Variants in PTPN3 observed in about 807,000 individuals in gnomAD.
PTPN3 encodes tyrosine-protein phosphatase non-receptor type 3.
In PTPN3, 96 loss-of-function variants were observed where a neutral mutation model predicts 132.7. The observed-to-expected ratio is 0.72, with a 90% CI of 0.61 to 0.86. PTPN3 has a LOEUF of 0.86. Among genes scored for constraint, PTPN3 ranks in the 40% least tolerant of loss-of-function variants. The pLI is 0.00. For synonymous variants in PTPN3, 398 were observed against 429.0 expected (o/e 0.93, Z 0.89); for missense variants, 1,125 against 1,159.6 (o/e 0.97, Z 0.43).
chr9:109,512,428 T>C, the PTPN3 span, among the ~76,000 whole-genome samples: 2 of 152,190 alleles, frequency 1.3e-5, no homozygotes, highest in African/African-American at 4.8e-5. Flanking sequence ...AACACACACC[T>C]ACTCAGTTAA....
intron 21 of PTPN3, among the ~76,000 whole-genome samples, chr9:109,389,666 T>C (rs1839899921): frequency 6.6e-6 from 1 of 152,250 alleles, no homozygotes; most frequent in Admixed American, 6.5e-5. Context: ...CTTTCATTGC[T>C]CTATCCTAAA....
At chr9:109,471,054 T>G (rs549085612) in intron 1 of PTPN3, among the ~76,000 whole-genome samples, 1 of 152,004 alleles carries the variant, frequency 6.6e-6, no homozygotes, top group African/African-American at 2.4e-5. Flanking sequence ...TTTTGGTACA[T>G]ACGCATCTTT....
chr9:109,451,622 AT>A (rs1221047603), intron 5 of PTPN3, among the ~76,000 whole-genome samples: 1 of 152,144 alleles, frequency 6.6e-6, no homozygotes, highest in Non-Finnish European at 1.5e-5. Flanking sequence ...AATGCCCTAC[AT>A]TTCCACAGAT....
intron 19 of PTPN3, among the ~76,000 whole-genome samples, chr9:109,401,114 G>A (rs574215449): frequency 3.9e-5 from 6 of 152,320 alleles, no homozygotes; most frequent in African/African-American, 1.4e-4. Context: ...CCTACTTGAG[G>A]AACTGTATAG....
At chr9:109,382,547 C>T in intron 23 of PTPN3, 100 bp from the exon 24 acceptor site, 1 of 1,364,174 alleles carries the variant, frequency 7.3e-7, no homozygotes, top group Non-Finnish European at 1.0e-6. Flanking sequence ...CTGATGCTTT[C>T]TCCCTCTGCG....
At chr9:109,396,796 G>A (rs189989385) in intron 19 of PTPN3, among the ~76,000 whole-genome samples, 10 of 152,312 alleles carry the variant, frequency 6.6e-5, no homozygotes, top group Non-Finnish European at 5.9e-5. Flanking sequence ...GGGTGCAATG[G>A]ATGGTTTTTT....
intron 14 of PTPN3, among the ~76,000 whole-genome samples, chr9:109,411,095 C>T (rs963826527): frequency 3.9e-4 from 59 of 152,228 alleles, no homozygotes; most frequent in Non-Finnish European, 7.5e-4. Context: ...CACATGCTCA[C>T]TAGCCATATG....
At chr9:109,481,072 C>T (rs1846936854) in intron 1 of PTPN3, among the ~76,000 whole-genome samples, 1 of 152,126 alleles carries the variant, frequency 6.6e-6, no homozygotes, top group Non-Finnish European at 1.5e-5. Context: ...AATTAAATAT[C>T]AACAACGGCA....
the PTPN3 span, chr9:109,534,180 C>G: frequency 2.0e-6 from 2 of 989,790 alleles, no homozygotes; most frequent in African/African-American, 1.6e-5. Context: ...CCTTCTTGTC[C>G]CCGCCGGCAG....
chr9:109,385,880 G>C (rs1332702664), intron 22 of PTPN3, among the ~76,000 whole-genome samples: 1 of 152,156 alleles, frequency 6.6e-6, no homozygotes, highest in Non-Finnish European at 1.5e-5. Context: ...CCAGTCCCCA[G>C]GTGTGGTTTC....
the PTPN3 span, among the ~76,000 whole-genome samples, chr9:109,537,640 G>C: frequency 1.3e-5 from 2 of 152,182 alleles, no homozygotes; most frequent in African/African-American, 4.8e-5. Context: ...GGGCTTAGCT[G>C]AGTCCTCCAG....
intron 2 of PTPN3, among the ~76,000 whole-genome samples, chr9:109,462,728 C>T (rs1189628932): frequency 6.6e-6 from 1 of 152,006 alleles, no homozygotes; most frequent in Non-Finnish European, 1.5e-5. Flanking sequence ...TGGGATGAGC[C>T]AGAACCTCCC....
chr9:109,533,747 G>A, the PTPN3 span: 1 of 1,435,700 alleles, frequency 7.0e-7, no homozygotes, highest in African/African-American at 1.4e-5. Flanking sequence ...CATGTAGGAA[G>A]GTGGGAACCT....
Position 109,427,050 on chromosome 9 carries a change from A to G in PTPN3, c.901T>C (p.Cys301Arg). 6.2e-7 allele frequency: 1 copy of G among 1,614,006 alleles called. No individual in the cohort carries two copies. The highest frequency in any genetic ancestry group is 8.5e-7 in the Non-Finnish European group (1 of 1,179,840). ...YRSCKNLWKS[C>R]VEHHTFFQAK... ...TGAAAGAACGTATGGTGCTCAACAC[A>G]GGATTTCCACAAGTTTTTGCAAGAT... Residue 301 changes from cysteine to arginine, a missense_variant, in exon 12 of 26, where the codon TGT becomes CGT. By Grantham distance (180) the Cys-to-Arg change is radical (BLOSUM62 -3). Coordinates refer to ENST00000374541, the MANE Select transcript of PTPN3 (RefSeq NM_002829.4).
intron 2 of PTPN3, among the ~76,000 whole-genome samples, chr9:109,462,954 T>C (rs1845920757): frequency 6.6e-6 from 1 of 151,034 alleles, no homozygotes; most frequent in South Asian, 2.1e-4. Context: ...GAAGCATATA[T>C]AGGGTGCCAT....
chr9:109,449,183 C>T (rs914431709), intron 5 of PTPN3: 4 of 1,106,780 alleles, frequency 3.6e-6, no homozygotes, highest in South Asian at 3.1e-5. Flanking sequence ...TGTCAGTGAG[C>T]GCCCCTGCCC....
intron 2 of PTPN3, among the ~76,000 whole-genome samples, chr9:109,460,683 G>A (rs766752876): frequency 3.3e-5 from 5 of 152,118 alleles, no homozygotes; most frequent in East Asian, 1.9e-4. Context: ...CAGTGGGGAC[G>A]TCTCTGGTTA....
At chr9:109,524,926 CG>C in the PTPN3 span, among the ~76,000 whole-genome samples, 2 of 152,022 alleles carry the variant, frequency 1.3e-5, no homozygotes, top group African/African-American at 4.8e-5. Flanking sequence ...TTAGTAGAGA[CG>C]GGGTTTTGCC....
intron 12 of PTPN3, among the ~76,000 whole-genome samples, chr9:109,423,982 C>A (rs1843065454): frequency 6.6e-6 from 1 of 152,136 alleles, no homozygotes; most frequent in South Asian, 2.1e-4. Flanking sequence ...CTGTTGTCAC[C>A]CTGATCAAAA....
Sources: gnomAD v4.1 joint callset for allele counts (sites outside exome capture counted in the v4.1 genomes callset) on GRCh38, gnomAD v4.1.1 for gene constraint, MANE v1.5 for transcripts, NCBI Gene and HGNC (gene_info 2026-07-23, HGNC 2026-07-21) for gene names.